Variants in LINC00305 observed in about 807,000 individuals in gnomAD.
LINC00305 encodes the protein long independently transcribed non-coding RNA 305.
At chr18:64,142,394 A>T (rs1158977069) in intron 1 of LINC00305, among the ~76,000 whole-genome samples, 2 of 152,170 alleles carry the variant, frequency 1.3e-5, no homozygotes, top group African/African-American at 4.8e-5. Flanking sequence ...TAAGTGAGGA[A>T]TGAGGGTCCA....
intron 1 of LINC00305, among the ~76,000 whole-genome samples, chr18:64,118,156 T>C (rs566819920): frequency 2.0e-5 from 3 of 152,164 alleles, no homozygotes; most frequent in African/African-American, 7.2e-5. Context: ...TTTGGACAAA[T>C]AAAGCAAGCT....
chr18:64,088,879 T>TA (rs895420850), intron 3 of LINC00305, among the ~76,000 whole-genome samples: 9 of 151,376 alleles, frequency 5.9e-5, no homozygotes, highest in African/African-American at 1.7e-4. Flanking sequence ...GCTAAACAGA[T>TA]AAAAAAAGGG....
intron 1 of LINC00305, among the ~76,000 whole-genome samples, chr18:64,113,365 C>G (rs935741700): frequency 6.6e-6 from 1 of 152,150 alleles, no homozygotes; most frequent in Non-Finnish European, 1.5e-5. Flanking sequence ...CATTATTACC[C>G]CAAGAAGAGT....
chr18:64,083,671 C>G (rs1045314560), intron 3 of LINC00305, among the ~76,000 whole-genome samples: 2 of 152,162 alleles, frequency 1.3e-5, no homozygotes, highest in Non-Finnish European at 2.9e-5. Context: ...GCCCTTATCT[C>G]CAAGTTAACT....
At chr18:64,084,466 C>G (rs186653200) in intron 3 of LINC00305, among the ~76,000 whole-genome samples, 1 of 152,092 alleles carries the variant, frequency 6.6e-6, no homozygotes, top group Non-Finnish European at 1.5e-5. Flanking sequence ...GCACATGTAC[C>G]GCTGAACTTG....
At chr18:64,144,146 CCTTG>C (rs1458212528) in intron 1 of LINC00305, among the ~76,000 whole-genome samples, 1 of 152,146 alleles carries the variant, frequency 6.6e-6, no homozygotes, top group Non-Finnish European at 1.5e-5. Context: ...TTAATATCTA[CCTTG>C]CTTATTGTTT....
chr18:64,117,755 A>T (rs2051344132), intron 1 of LINC00305, among the ~76,000 whole-genome samples: 1 of 152,212 alleles, frequency 6.6e-6, no homozygotes. Context: ...CCGCCTCTCC[A>T]GTGAGCAGAT....
At chr18:64,148,533 C>G (rs558978487) in intron 1 of LINC00305, among the ~76,000 whole-genome samples, 6 of 152,058 alleles carry the variant, frequency 3.9e-5, no homozygotes, top group Non-Finnish European at 4.4e-5. Context: ...ACAAGGTTCC[C>G]TTTCTCTAGG....
intron 3 of LINC00305, among the ~76,000 whole-genome samples, chr18:64,095,007 A>G (rs948834481): frequency 2.2e-4 from 33 of 152,198 alleles, no homozygotes; most frequent in African/African-American, 7.7e-4. Context: ...CCTCTGAGCC[A>G]TACAGAGAAG....
chr18:64,121,809 C>A (rs186075949), intron 1 of LINC00305, among the ~76,000 whole-genome samples: 193 of 152,236 alleles, frequency 1.3e-3, no homozygotes, highest in Non-Finnish European at 2.1e-3. Context: ...TTCCCAGGAA[C>A]AGTGTATAAG....
At chr18:64,125,963 T>G (rs2051383446) in intron 1 of LINC00305, among the ~76,000 whole-genome samples, 1 of 152,168 alleles carries the variant, frequency 6.6e-6, no homozygotes, top group Non-Finnish European at 1.5e-5. Context: ...ACTATTTCCT[T>G]GATCTTGGGC....
Position 64,087,548 on chromosome 18 carries a change from C to A in LINC00305, n.541-7146G>T, listed in dbSNP as rs556153228. ...TGAATTCTTGACATTGTTACTTAAT[C>A]TTGCTTATAGTGATATAACATTTTT... On this transcript the variant is annotated intron_variant and non_coding_transcript_variant, in intron 3 of 3. Transcript: ENST00000666468. Among the ~76,000 whole-genome samples the A allele has an allele frequency of 8.5e-4, 130 of 152,226 alleles. 1 individual carries two copies. The highest frequency in any genetic ancestry group is 3.1e-3 in the African/African-American group (129 of 41,542).
chr18:64,143,405 GTA>G (rs374327081), intron 1 of LINC00305, among the ~76,000 whole-genome samples: 9 of 147,780 alleles, frequency 6.1e-5, no homozygotes, highest in African/African-American at 1.0e-4. Flanking sequence ...GTGTGTGTGT[GTA>G]TATATATATA....
At chr18:64,097,350 G>T (rs1050937288) in intron 3 of LINC00305, among the ~76,000 whole-genome samples, 2 of 151,998 alleles carry the variant, frequency 1.3e-5, no homozygotes, top group African/African-American at 2.4e-5. Context: ...CAAAGAGTCT[G>T]CCCCACCACT....
At chr18:64,145,260 C>G (rs1186578572) in intron 1 of LINC00305, among the ~76,000 whole-genome samples, 1 of 152,182 alleles carries the variant, frequency 6.6e-6, no homozygotes, top group Non-Finnish European at 1.5e-5. Context: ...GTACTTCTAC[C>G]TACAAATGTA....
chr18:64,096,160 AG>A (rs2051244318), intron 3 of LINC00305, among the ~76,000 whole-genome samples: 1 of 152,088 alleles, frequency 6.6e-6, no homozygotes, highest in African/African-American at 2.4e-5. Context: ...TATATACATA[AG>A]AATCTTTATG....
chr18:64,126,666 T>C (rs2051386879), intron 1 of LINC00305, among the ~76,000 whole-genome samples: 1 of 152,118 alleles, frequency 6.6e-6, no homozygotes, highest in Admixed American at 6.6e-5. Context: ...TGCATCTTAA[T>C]GATCAAATTA....
At chr18:64,118,409 A>C (rs2051347242) in intron 1 of LINC00305, among the ~76,000 whole-genome samples, 1 of 152,148 alleles carries the variant, frequency 6.6e-6, no homozygotes. Context: ...TTCCCAAAGA[A>C]GTGCTATGAA....
chr18:64,135,079 G>T (rs2051426456), intron 1 of LINC00305, among the ~76,000 whole-genome samples: 1 of 152,090 alleles, frequency 6.6e-6, no homozygotes, highest in South Asian at 2.1e-4. Context: ...ACCACTGTGG[G>T]GAACCGTGTT....
Sources: allele counts gnomAD v4.1 joint callset (sites outside exome capture counted in the v4.1 genomes callset), GRCh38; gene constraint gnomAD v4.1.1; transcripts MANE v1.5; gene names NCBI Gene and HGNC (gene_info 2026-07-23, HGNC 2026-07-21).